Variants in DECR1 observed in about 807,000 individuals in gnomAD.
DECR1 encodes the protein 2,4-dienoyl-CoA reductase 1.
DECR1 carries 44 observed loss-of-function variants against 38.8 expected under a neutral mutation model. That is an observed-to-expected ratio of 1.13 (90% CI 0.89 to 1.46). DECR1 has a LOEUF of 1.46. DECR1 is among the 40% of genes most tolerant of loss of function. The pLI, the probability that DECR1 is intolerant of heterozygous loss-of-function variation, is 0.00. For synonymous variants in DECR1, 148 were observed against 135.2 expected, an observed-to-expected ratio of 1.09 and a Z score of -0.66; for missense variants, 428 against 405.5, an observed-to-expected ratio of 1.06 and a Z score of -0.48.
rs1814134814 is a variant in DECR1, at chr8:90,053,072, C to T, written c.*1175C>T. Among the ~76,000 whole-genome samples, 1 of 152,136 alleles carries T rather than the reference C, an allele frequency of 6.6e-6. No individual in the cohort carries two copies. Among genetic ancestry groups the T allele is most frequent in the Non-Finnish European group, 1.5e-5 (1 of 68,016 alleles). On this transcript the variant is annotated 3_prime_UTR_variant, in exon 10 of 10. Transcript: ENST00000220764. Reference sequence around the variant, plus strand: ...CAACATTTCCAATTATACTGACTTTCACTGGGCTTTTTTTTAGGCTGTTGC... The same window carrying T: ...CAACATTTCCAATTATACTGACTTTTACTGGGCTTTTTTTTAGGCTGTTGC...
intron 1 of DECR1, among the ~76,000 whole-genome samples, chr8:90,006,676 A>C (rs960988932): frequency 1.3e-5 from 2 of 152,176 alleles, no homozygotes; most frequent in Admixed American, 1.3e-4. Flanking sequence ...TGAGGATGAG[A>C]GATGGGGCTA....
chr8:90,050,676 A>G (rs1260203504), intron 8 of DECR1, among the ~76,000 whole-genome samples: 1 of 152,234 alleles, frequency 6.6e-6, no homozygotes, highest in African/African-American at 2.4e-5. Context: ...ATTACTGGGT[A>G]TATACCGAAA....
At chr8:90,040,916 C>G (rs966094808) in intron 6 of DECR1, among the ~76,000 whole-genome samples, 11 of 152,092 alleles carry the variant, frequency 7.2e-5, no homozygotes, top group African/African-American at 2.7e-4. Context: ...CTATTAAGAA[C>G]AGTGCTGCAA....
At chr8:90,029,542 G>GT (rs1388967780) in intron 5 of DECR1, 1 of 152,210 alleles carries the variant, frequency 6.6e-6, no homozygotes, top group African/African-American at 2.4e-5. Context: ...ACAAAGGACT[G>GT]TTTTAGTTAA....
chr8:90,034,327 A>G (rs929579448), intron 5 of DECR1, among the ~76,000 whole-genome samples: 1 of 152,202 alleles, frequency 6.6e-6, no homozygotes, highest in Non-Finnish European at 1.5e-5. Context: ...TCCTTTTGCA[A>G]ATATTAAGTA....
At position 90,051,871 on chromosome 8, in the gene DECR1, C is replaced by T. The variant is rs577455044; in HGVS notation, c.982C>T (p.Leu328Phe). Residue 328 changes from leucine to phenylalanine, a missense_variant, in exon 10 of 10, where the codon CTC (leucine) becomes TTC (phenylalanine). Transcript: ENST00000220764. ...TKEQWDTIEELIRKTKGS is the reference protein window; with the variant it reads ...TKEQWDTIEEFIRKTKGS ...GGAGCAGTGGGACACCATAGAAGAA[C>T]TCATCAGGAAGACAAAAGGTTCCTA... 1.9e-6 allele frequency: 3 copies of T among 1,613,744 alleles called. No homozygotes were observed. Among genetic ancestry groups the T allele is most frequent in the South Asian group, 2.2e-5 (2 of 91,070 alleles).
intron 5 of DECR1, among the ~76,000 whole-genome samples, chr8:90,026,104 G>T (rs1036936048): frequency 6.6e-6 from 1 of 152,184 alleles, no homozygotes; most frequent in Non-Finnish European, 1.5e-5. Flanking sequence ...GCTTTTTGAT[G>T]TGCTGCTGGA....
chr8:90,041,231 G>C (rs1813753651), intron 6 of DECR1, among the ~76,000 whole-genome samples: 3 of 152,218 alleles, frequency 2.0e-5, no homozygotes, highest in South Asian at 4.2e-4. Flanking sequence ...GTGATGATGA[G>C]CTTTTTTTTT....
rs1476590 is a variant in DECR1 at position 90,051,808 on chromosome 8, G to C, written c.949-30G>C. 653,776 of 1,612,378 alleles carry C rather than the reference G, an allele frequency of 0.41. 143,289 individuals carry two copies. The highest frequency in any genetic ancestry group is 0.78 in the African/African-American group (58,081 of 74,904). ...CTAAGCTTTAAAAACATGTAAAAAG[G>C]ACATTAAATTGACATCTTTTTTGTG... On this transcript the variant is annotated intron_variant, in intron 9 of 9. Transcript: ENST00000220764.
At chr8:90,045,897 C>G (rs1662647069) in intron 8 of DECR1, among the ~76,000 whole-genome samples, 1 of 152,178 alleles carries the variant, frequency 6.6e-6, no homozygotes, top group African/African-American at 2.4e-5. Context: ...TCTGCAGCCT[C>G]CACTGGTGAT....
In DECR1 at chr8:90,039,325, G is replaced by A. The variant is rs189045259; in HGVS notation, c.665+2385G>A. Reference sequence around the variant, plus strand: ...TTAATTGACTCACAGTTTCCACATGGCTAGGGAGGCCTCAGGAAACTTAGA... The same window carrying A: ...TTAATTGACTCACAGTTTCCACATGACTAGGGAGGCCTCAGGAAACTTAGA... On this transcript the variant is annotated intron_variant, in intron 6 of 9. Coordinates refer to ENST00000220764, the MANE Select transcript of DECR1 (RefSeq NM_001359.2). Among the ~76,000 whole-genome samples, 337 of 152,274 alleles carry A rather than the reference G, an allele frequency of 2.2e-3. 1 individual carries two copies. The highest frequency in any genetic ancestry group is 3.1e-3 in the Non-Finnish European group (212 of 68,016).
At chr8:90,024,118 T>C (rs1034196945) in intron 5 of DECR1, among the ~76,000 whole-genome samples, 2 of 152,194 alleles carry the variant, frequency 1.3e-5, no homozygotes, top group African/African-American at 2.4e-5. Flanking sequence ...AGTCTATCAT[T>C]GATGGACATT....
At position 90,012,239 on chromosome 8, in the gene DECR1, G is replaced by A. The variant is rs144218833; in HGVS notation, c.70-4885G>A. Among the ~76,000 whole-genome samples the A allele has an allele frequency of 2.3e-3, 345 of 150,936 alleles. 3 individuals are homozygous for A. Among genetic ancestry groups the A allele is most frequent in the African/African-American group, 7.1e-3 (291 of 41,058 alleles). ...ACGATCTTGGCTCACTGCAACCTCC[G>A]CCATCTGGGTTCAAGAAATTCTCCT... On this transcript the variant is annotated intron_variant, in intron 1 of 9. Coordinates refer to ENST00000220764, the MANE Select transcript of DECR1 (RefSeq NM_001359.2).
intron 1 of DECR1, among the ~76,000 whole-genome samples, chr8:90,007,113 A>G (rs1812761511): frequency 6.6e-6 from 1 of 152,118 alleles, no homozygotes; most frequent in Admixed American, 6.5e-5. Context: ...TCAATGATGA[A>G]TGTTGGGTGA....
rs930002825 is a variant in DECR1 at position 90,017,282 on chromosome 8, A to G, written c.228A>G (p.Thr76=). The G allele has an allele frequency of 2.5e-6, 4 of 1,614,212 alleles. No individual in the cohort carries two copies. Among genetic ancestry groups the G allele is most frequent in the Non-Finnish European group, 2.5e-6 (3 of 1,180,042 alleles). Residue 76 remains threonine (T), a synonymous_variant, in exon 2 of 10, where the codon ACA becomes ACG. Coordinates refer to ENST00000220764, the MANE Select transcript of DECR1 (RefSeq NM_001359.2). ...GTACTGGCCTTGGTAAAGGAATGAC[A>G]ACTCTTCTGTCCAGCCTAGGTGCTC... ...GGGTGLGKGM[T]TLLSSLGAQC...
At chr8:90,008,835 G>A (rs890029951) in intron 1 of DECR1, among the ~76,000 whole-genome samples, 4 of 152,156 alleles carry the variant, frequency 2.6e-5, no homozygotes, top group African/African-American at 4.8e-5. Flanking sequence ...GACTCATTAC[G>A]TCCTCATTTT....
intron 1 of DECR1, among the ~76,000 whole-genome samples, chr8:90,002,198 G>A (rs1019832037): frequency 6.6e-6 from 1 of 152,202 alleles, no homozygotes; most frequent in African/African-American, 2.4e-5. Flanking sequence ...GGAGTGAGAG[G>A]GGATCAGGCC....
Position 90,017,118 on chromosome 8 carries a change from T to G in DECR1, c.70-6T>G. On this transcript the variant is annotated splice_polypyrimidine_tract_variant and splice_region_variant and intron_variant, in intron 1 of 9. Transcript: ENST00000220764. ...ATGCAAATTTAAATTCATTTTCCCC[T>G]TTTAGTTTTTCAGTTATGGGACAAA... 6.2e-7 allele frequency: 1 copy of G among 1,601,252 alleles called. No homozygotes were observed. Among genetic ancestry groups the G allele is most frequent in the Non-Finnish European group, 8.5e-7 (1 of 1,170,698 alleles).
At chr8:90,023,429 A>G (rs1586148175) in intron 5 of DECR1, among the ~76,000 whole-genome samples, 1 of 152,140 alleles carries the variant, frequency 6.6e-6, no homozygotes, top group South Asian at 2.1e-4. Flanking sequence ...TGCATTGGTA[A>G]TACTGTTGGT....
Sources: allele counts gnomAD v4.1 joint callset (sites outside exome capture counted in the v4.1 genomes callset), GRCh38; gene constraint gnomAD v4.1.1; transcripts MANE v1.5; gene names NCBI Gene and HGNC (gene_info 2026-07-23, HGNC 2026-07-21).